TRAPPC9: variants seen among roughly 807,000 people sequenced by gnomAD.
The protein encoded by TRAPPC9 is trafficking protein particle complex subunit 9.
TRAPPC9 carries 83 observed loss-of-function variants against 124.0 expected under a neutral mutation model. The observed-to-expected ratio is 0.67, with a 90% CI of 0.56 to 0.80. TRAPPC9 has a LOEUF of 0.80. Among genes scored for constraint, TRAPPC9 ranks in the 30% least tolerant of loss-of-function variants. The pLI is 0.00. For missense variants in TRAPPC9, 1,302 were observed against 1,508.3 expected, an observed-to-expected ratio of 0.86 and a Z score of 2.27; for synonymous variants, 638 against 617.5, an observed-to-expected ratio of 1.03 and a Z score of -0.49.
intron 17 of TRAPPC9, among the ~76,000 whole-genome samples, chr8:140,086,901 T>C (rs1398351256): frequency 2.6e-5 from 4 of 151,838 alleles, no homozygotes; most frequent in African/African-American, 9.7e-5. Context: ...CACTGTACTC[T>C]AGCCTGGGCA....
intron 17 of TRAPPC9, among the ~76,000 whole-genome samples, chr8:140,061,819 A>G (rs908738595): frequency 2.0e-5 from 3 of 152,224 alleles, no homozygotes; most frequent in African/African-American, 7.2e-5. Flanking sequence ...TGTCATTAAC[A>G]GAGCATTGAA....
intron 5 of TRAPPC9, among the ~76,000 whole-genome samples, chr8:140,415,187 C>A (rs2069873260): frequency 1.3e-5 from 2 of 149,268 alleles, no homozygotes; most frequent in African/African-American, 2.5e-5. Context: ...CCAGCCTGGG[C>A]AACAGAGTAG....
At position 140,311,178 on chromosome 8, in the gene TRAPPC9, T is replaced by C. The variant is rs2066285816; in HGVS notation, c.1622+70A>G. 7.0e-6 allele frequency: 11 copies of C among 1,571,838 alleles called. No homozygotes were observed. The South Asian group carries it at 1.1e-4, about 16-fold the overall frequency. On this transcript the variant is annotated intron_variant, in intron 10 of 22. Transcript: ENST00000438773. ...ATGGGAACTCTTCTAAAGATCTCTA[T>C]TCACAATCAGACTAGAGGACGGTGT...
At chr8:140,451,963 A>T (rs1006934407) in intron 1 of TRAPPC9, among the ~76,000 whole-genome samples, 1 of 152,080 alleles carries the variant, frequency 6.6e-6, no homozygotes. Context: ...TATACTAAAA[A>T]TACAAAAATT....
At chr8:139,867,182 G>C (rs550382068) in intron 21 of TRAPPC9, among the ~76,000 whole-genome samples, 4 of 152,188 alleles carry the variant, frequency 2.6e-5, no homozygotes, top group Non-Finnish European at 5.9e-5. Flanking sequence ...TGTGAGAAAT[G>C]AGTGATATCA....
At chr8:140,341,918 T>A (rs1172594753) in intron 9 of TRAPPC9, among the ~76,000 whole-genome samples, 1 of 152,256 alleles carries the variant, frequency 6.6e-6, no homozygotes, top group Non-Finnish European at 1.5e-5. Flanking sequence ...CAGTGCACAA[T>A]GTGTGGGGCC....
intron 16 of TRAPPC9, among the ~76,000 whole-genome samples, chr8:140,243,188 G>A (rs892945005): frequency 5.3e-5 from 8 of 152,184 alleles, no homozygotes; most frequent in Admixed American, 2.0e-4. Context: ...TCCATGGGCC[G>A]TGACCTACAA....
At position 140,216,951 on chromosome 8, in the gene TRAPPC9, C is replaced by T. The variant is rs2063211024; in HGVS notation, c.2556+4508G>A. Among the ~76,000 whole-genome samples the T allele has an allele frequency of 6.6e-6, 1 of 152,162 alleles. No homozygotes were observed. The highest frequency in any genetic ancestry group is 2.4e-5 in the African/African-American group (1 of 41,428). ...GACAGCCATGATGCACCCTTGTTTCCCCATCACACGGCACGCTGCTTAACA... is the reference window on the plus strand; with the variant it reads ...GACAGCCATGATGCACCCTTGTTTCTCCATCACACGGCACGCTGCTTAACA... On this transcript the variant is annotated intron_variant, in intron 17 of 22. Coordinates refer to ENST00000438773, the MANE Select transcript of TRAPPC9 (RefSeq NM_001160372.4). This position sits in a 1 kb window ranked among gnomAD's most constrained non-coding sequence, Gnocchi z 4.1.
chr8:140,319,415 G>A (rs2066532263), intron 9 of TRAPPC9, among the ~76,000 whole-genome samples: 1 of 151,664 alleles, frequency 6.6e-6, no homozygotes, highest in Non-Finnish European at 1.5e-5. Flanking sequence ...CTAACCTCCT[G>A]ATCCGCCCAC....
At chr8:140,123,239 C>T (rs899969150) in intron 17 of TRAPPC9, among the ~76,000 whole-genome samples, 4 of 152,146 alleles carry the variant, frequency 2.6e-5, no homozygotes, top group Non-Finnish European at 5.9e-5. Context: ...CCATGACACC[C>T]CACTCTCACC....
At chr8:140,217,482 A>C (rs4286926) in intron 17 of TRAPPC9, among the ~76,000 whole-genome samples, 1 of 152,028 alleles carries the variant, frequency 6.6e-6, no homozygotes, top group Non-Finnish European at 1.5e-5. Flanking sequence ...ATGAGGAGTA[A>C]CACCAGAAGG....
At chr8:140,297,020 G>A (rs376932189) in intron 11 of TRAPPC9, among the ~76,000 whole-genome samples, 5 of 152,200 alleles carry the variant, frequency 3.3e-5, no homozygotes, top group Admixed American at 2.0e-4. Context: ...CTCGGAAGAC[G>A]CCCTCCAGAG....
At chr8:140,457,517 C>T in intron 1 of TRAPPC9, 122 bp downstream of exon 1, 2 of 844,356 alleles carry the variant, frequency 2.4e-6, no homozygotes, top group Non-Finnish European at 2.9e-6. Flanking sequence ...CGGGCTCCGC[C>T]CGGACAGGTG....
At chr8:140,036,804 T>C (rs1216136525) in intron 17 of TRAPPC9, among the ~76,000 whole-genome samples, 1 of 152,180 alleles carries the variant, frequency 6.6e-6, no homozygotes, top group African/African-American at 2.4e-5. Flanking sequence ...ATGCCGCGTG[T>C]GTGTTTACGG....
intron 20 of TRAPPC9, among the ~76,000 whole-genome samples, chr8:139,906,625 C>T (rs1831382903): frequency 6.6e-6 from 1 of 152,138 alleles, no homozygotes; most frequent in African/African-American, 2.4e-5. Flanking sequence ...TCAGAGGCCA[C>T]CCGCAAGTCT....
chr8:139,894,317 A>G (rs931958187), intron 20 of TRAPPC9, among the ~76,000 whole-genome samples: 35 of 152,290 alleles, frequency 2.3e-4, no homozygotes, highest in African/African-American at 8.4e-4. Flanking sequence ...GAGAGAGCCA[A>G]TGCCAACCCC....
rs182088900 is a variant in TRAPPC9 at position 140,296,378 on chromosome 8, C to T, written c.1768+4091G>A. ...CTCCCAGGCTCAGGTGATTCTCCCA[C>T]CTCAGCCTCCCAACTAGCTGGGACC... On this transcript the variant is annotated intron_variant, in intron 11 of 22. Coordinates refer to ENST00000438773, the MANE Select transcript of TRAPPC9 (RefSeq NM_001160372.4). Among the ~76,000 whole-genome samples, 622 of 152,328 alleles carry T rather than the reference C, an allele frequency of 4.1e-3. 8 individuals are homozygous for T. The highest frequency in any genetic ancestry group is 0.015 in the African/African-American group (607 of 41,574).
chr8:139,754,828 C>T (rs1819585851), intron 21 of TRAPPC9, among the ~76,000 whole-genome samples: 1 of 152,262 alleles, frequency 6.6e-6, no homozygotes, highest in Non-Finnish European at 1.5e-5. Context: ...CCACATTCAA[C>T]TCATCAGAGA....
intron 17 of TRAPPC9, among the ~76,000 whole-genome samples, chr8:140,034,395 G>A (rs545536728): frequency 6.6e-6 from 1 of 152,256 alleles, no homozygotes; most frequent in South Asian, 2.1e-4. Context: ...TTGGGTTTCT[G>A]TGGACAACTC....
Sources: allele counts gnomAD v4.1 joint callset (sites outside exome capture counted in the v4.1 genomes callset), GRCh38; gene constraint gnomAD v4.1.1; non-coding constraint Gnocchi (gnomAD v3.1); transcripts MANE v1.5; gene names NCBI Gene and HGNC (gene_info 2026-07-23, HGNC 2026-07-21).